Variants in ACER3 observed in about 807,000 individuals in gnomAD.
ACER3 encodes alkCDase 3.
In ACER3, 16 loss-of-function variants were observed where a neutral mutation model predicts 48.9. The ratio of observed to expected loss-of-function variants is 0.33; its 90% confidence interval spans 0.22 to 0.50. The LOEUF is 0.50. ACER3 is among the 20% of genes least tolerant of loss of function. The pLI is 0.98. For missense variants in ACER3, 227 were observed against 326.0 expected, an observed-to-expected ratio of 0.70 and a Z score of 2.34; for synonymous variants, 109 against 107.8, an observed-to-expected ratio of 1.01 and a Z score of -0.07.
intron 1 of ACER3, among the ~76,000 whole-genome samples, chr11:76,867,503 A>G (rs1263275001): frequency 7.8e-6 from 1 of 128,324 alleles, no homozygotes; most frequent in African/African-American, 2.7e-5. Flanking sequence ...AAAAAGAAAG[A>G]AAAGTAGCTG....
intron 4 of ACER3, among the ~76,000 whole-genome samples, chr11:76,977,691 G>A (rs1158308293): frequency 6.6e-6 from 1 of 152,214 alleles, no homozygotes; most frequent in Admixed American, 6.5e-5. Flanking sequence ...CAGCAGGGGA[G>A]GCAGTGCTGG....
intron 7 of ACER3, among the ~76,000 whole-genome samples, chr11:77,014,683 G>T (rs1555022899): frequency 1.3e-5 from 2 of 152,216 alleles, no homozygotes; most frequent in African/African-American, 2.4e-5. Context: ...GCTACATATA[G>T]TAGGCAAATT....
intron 1 of ACER3, among the ~76,000 whole-genome samples, chr11:76,907,208 T>G (rs1048891687): frequency 1.3e-5 from 2 of 152,242 alleles, no homozygotes; most frequent in Non-Finnish European, 2.9e-5. Context: ...GAAACAAGCA[T>G]TCTTTATGAT....
intron 1 of ACER3, among the ~76,000 whole-genome samples, chr11:76,880,206 A>G (rs980029671): frequency 2.0e-5 from 3 of 151,920 alleles, no homozygotes; most frequent in Non-Finnish European, 4.4e-5. Context: ...TATTTAACGT[A>G]TTCCTTTTTT....
At chr11:76,929,044 C>T (rs1946917926) in intron 2 of ACER3, among the ~76,000 whole-genome samples, 1 of 152,166 alleles carries the variant, frequency 6.6e-6, no homozygotes, top group Admixed American at 6.5e-5. Flanking sequence ...CTATAAATTA[C>T]TTTGGGTAAT....
intron 1 of ACER3, among the ~76,000 whole-genome samples, chr11:76,892,402 A>G (rs1945828159): frequency 2.0e-5 from 3 of 152,202 alleles, no homozygotes; most frequent in African/African-American, 4.8e-5. Flanking sequence ...ATTGAAGCTT[A>G]ATAGGAAAGA....
At position 77,025,176 on chromosome 11, in the gene ACER3, A is replaced by T. The variant is rs1362641452; in HGVS notation, c.*4849A>T. 6 of 152,164 alleles carry T rather than the reference A, an allele frequency of 3.9e-5. No homozygotes were observed. The highest frequency in any genetic ancestry group is 1.4e-4 in the African/African-American group (6 of 41,426). 9.4% of individuals were successfully genotyped at this position (152,164 alleles called of 1,614,324 possible). The stretch of plus-strand genomic sequence containing the variant: ...GCAGAATTAACTCTAAAGTTGCAGC[A>T]ACCATATTTATTAGAGAAATCTTTA... On this transcript the variant is annotated 3_prime_UTR_variant, in exon 11 of 11. Coordinates refer to ENST00000532485, the MANE Select transcript of ACER3 (RefSeq NM_018367.7).
chr11:76,890,009 G>T (rs1451203051), intron 1 of ACER3, among the ~76,000 whole-genome samples: 1 of 151,670 alleles, frequency 6.6e-6, no homozygotes, highest in Non-Finnish European at 1.5e-5. Flanking sequence ...GTTGCTTATT[G>T]TTTTGCTGAT....
intron 1 of ACER3, among the ~76,000 whole-genome samples, chr11:76,906,160 A>G (rs917321930): frequency 6.6e-6 from 1 of 152,174 alleles, no homozygotes; most frequent in Non-Finnish European, 1.5e-5. Context: ...TTCCCTCCCT[A>G]TAACTGATCC....
At chr11:76,871,564 A>G (rs924756616) in intron 1 of ACER3, among the ~76,000 whole-genome samples, 3 of 152,222 alleles carry the variant, frequency 2.0e-5, no homozygotes, top group African/African-American at 4.8e-5. Context: ...CCTGGAATCA[A>G]TAGCAATCAG....
rs782293904 is a variant in ACER3 at position 77,022,193 on chromosome 11, G to T, written c.*1866G>T. 1 of 152,134 alleles carries T rather than the reference G, an allele frequency of 6.6e-6. No individual in the cohort carries two copies. Among genetic ancestry groups the T allele is most frequent in the Non-Finnish European group, 1.5e-5 (1 of 68,034 alleles). The allele number at this position is 152,134 out of a possible 1,614,324, so 9.4% of individuals were successfully genotyped here. ...ATACAGTGTAGGATAAAGGCATATC[G>T]TACATGGCAATGCTGTTAAACATGG... On this transcript the variant is annotated 3_prime_UTR_variant, in exon 11 of 11. Coordinates refer to ENST00000532485, the MANE Select transcript of ACER3 (RefSeq NM_018367.7).
Position 76,890,973 on chromosome 11 carries a change from G to T in ACER3, c.103+29894G>T, listed in dbSNP as rs567425500. On this transcript the variant is annotated intron_variant, in intron 1 of 10. Transcript: ENST00000532485. The stretch of plus-strand genomic sequence containing the variant: ...TCTCTACCAAAAAATACAAAAATTA[G>T]CCAGGCATGGTGGCACGTGCCTGTA... 4.6e-5 allele frequency among the ~76,000 whole-genome samples: 7 copies of T among 151,934 alleles called. No homozygotes were observed. In the East Asian group the frequency reaches 1.4e-3, roughly 29 times the overall value.
chr11:76,996,146 C>T (rs983907166), intron 6 of ACER3, among the ~76,000 whole-genome samples: 1 of 152,144 alleles, frequency 6.6e-6, no homozygotes, highest in Non-Finnish European at 1.5e-5. Flanking sequence ...TTCCCCCTGT[C>T]TAACTTCCAT....
At chr11:76,992,598 G>A (rs969996345) in intron 6 of ACER3, among the ~76,000 whole-genome samples, 1 of 152,154 alleles carries the variant, frequency 6.6e-6, no homozygotes, top group African/African-American at 2.4e-5. Flanking sequence ...TCAGGATAGA[G>A]AAATGAAGAA....
chr11:76,968,611 C>T (rs551774115), intron 3 of ACER3, among the ~76,000 whole-genome samples: 2 of 152,120 alleles, frequency 1.3e-5, no homozygotes, highest in African/African-American at 2.4e-5. Flanking sequence ...ACCAATGGAA[C>T]AGAACAGAGC....
chr11:76,953,530 G>A (rs184403135), intron 2 of ACER3, among the ~76,000 whole-genome samples: 40 of 152,112 alleles, frequency 2.6e-4, no homozygotes, highest in Admixed American at 1.8e-3. Context: ...CCTGGGAGGC[G>A]GAGGTTGCAG....
chr11:76,935,518 C>T (rs1420513373), intron 2 of ACER3, among the ~76,000 whole-genome samples: 2 of 151,716 alleles, frequency 1.3e-5, no homozygotes, highest in African/African-American at 4.8e-5. Flanking sequence ...TACAAGGGAC[C>T]GAAAATTAGA....
chr11:76,921,277 T>G (rs1191215806), intron 1 of ACER3, among the ~76,000 whole-genome samples: 1 of 152,178 alleles, frequency 6.6e-6, no homozygotes, highest in Non-Finnish European at 1.5e-5. Flanking sequence ...TACATTTAGA[T>G]CTATAGTACC....
rs545083954 is a variant in ACER3 at position 77,025,248 on chromosome 11, G to T, written c.*4921G>T. On this transcript the variant is annotated 3_prime_UTR_variant, in exon 11 of 11. Transcript: ENST00000532485. ...ATAAGCATTCATTCAGAGATCATCT[G>T]TGCCTAAAAGAAAATGATAAAAATG... 13 of 152,012 alleles carry T rather than the reference G, an allele frequency of 8.6e-5. No individual in the cohort carries two copies. Among genetic ancestry groups the T allele is most frequent in the South Asian group, 8.3e-4 (4 of 4,810 alleles). The allele number at this position is 152,012 out of a possible 1,614,324, so 9.4% of individuals were successfully genotyped here. A position where few individuals can be genotyped will look rare whatever the true frequency, so the allele number is the denominator to read the frequency against.
Sources: allele counts gnomAD v4.1 joint callset (sites outside exome capture counted in the v4.1 genomes callset), GRCh38; gene constraint gnomAD v4.1.1; transcripts MANE v1.5; gene names NCBI Gene and HGNC (gene_info 2026-07-23, HGNC 2026-07-21).